DENND5B: variants seen among roughly 807,000 people sequenced by gnomAD.
The protein encoded by DENND5B is DENN domain containing 5B.
DENND5B carries 34 observed loss-of-function variants against 140.6 expected under a neutral mutation model. The ratio of observed to expected loss-of-function variants is 0.24; its 90% CI spans 0.18 to 0.32. DENND5B has a LOEUF of 0.32. Ranked by LOEUF, DENND5B falls within the 10% of genes least tolerant of loss-of-function variation. DENND5B has a pLI of 1.00. For missense variants in DENND5B, 1,142 were observed against 1,560.2 expected (o/e 0.73, Z 4.52); for synonymous variants, 551 against 562.1 (o/e 0.98, Z 0.28).
At chr12:31,567,232 C>G (rs1450530593) in intron 1 of DENND5B, among the ~76,000 whole-genome samples, 56 of 151,236 alleles carry the variant, frequency 3.7e-4, no homozygotes, top group Admixed American at 3.6e-3. Flanking sequence ...GTGGGAGGAT[C>G]ACCTGAGCCC....
At chr12:31,517,119 TAAAA>T (rs1308546454) in intron 1 of DENND5B, among the ~76,000 whole-genome samples, 1 of 151,800 alleles carries the variant, frequency 6.6e-6, no homozygotes, top group Non-Finnish European at 1.5e-5. Flanking sequence ...AAAACAGAAA[TAAAA>T]ACTTTAGATA....
intron 20 of DENND5B, among the ~76,000 whole-genome samples, chr12:31,388,319 G>C (rs1336407225): frequency 6.8e-6 from 1 of 147,818 alleles, no homozygotes; most frequent in Non-Finnish European, 1.5e-5. Context: ...TTATAAACCA[G>C]ATGAGAGTTT....
At chr12:31,524,003 G>GT (rs1390188054) in intron 1 of DENND5B, among the ~76,000 whole-genome samples, 1 of 148,770 alleles carries the variant, frequency 6.7e-6, no homozygotes, top group Non-Finnish European at 1.5e-5. Context: ...TAATAGCTCA[G>GT]TGGGCCTCTT....
chr12:31,577,467 T>C (rs1486533618), intron 1 of DENND5B, among the ~76,000 whole-genome samples: 1 of 152,030 alleles, frequency 6.6e-6, no homozygotes, highest in Non-Finnish European at 1.5e-5. Context: ...TCCCAGCACT[T>C]TGGGAGGCCG....
chr12:31,561,203 G>A (rs537412418), intron 1 of DENND5B, among the ~76,000 whole-genome samples: 4 of 152,280 alleles, frequency 2.6e-5, no homozygotes, highest in South Asian at 2.1e-4. Context: ...ACTCATGTAC[G>A]CATCTCAAGG....
At chr12:31,579,630 T>C (rs1191794958) in intron 1 of DENND5B, among the ~76,000 whole-genome samples, 1 of 151,742 alleles carries the variant, frequency 6.6e-6, no homozygotes, top group Non-Finnish European at 1.5e-5. Flanking sequence ...CACTGCACTC[T>C]AGCCTGGGTT....
intron 7 of DENND5B, among the ~76,000 whole-genome samples, chr12:31,433,640 C>A (rs925459735): frequency 6.6e-6 from 1 of 152,030 alleles, no homozygotes; most frequent in Non-Finnish European, 1.5e-5. Flanking sequence ...TTTTTTAATA[C>A]AAAGAATATT....
intron 14 of DENND5B, among the ~76,000 whole-genome samples, chr12:31,406,095 C>G (rs1201582902): frequency 1.3e-5 from 2 of 151,904 alleles, no homozygotes; most frequent in African/African-American, 2.4e-5. Context: ...GATCCGCCAC[C>G]TCGGCCTCCA....
intron 8 of DENND5B, among the ~76,000 whole-genome samples, chr12:31,431,350 T>C (rs561861310): frequency 1.3e-5 from 2 of 152,324 alleles, no homozygotes; most frequent in African/African-American, 2.4e-5. Flanking sequence ...GGGAAAACTA[T>C]AAGCAAGATT....
rs996011590 is a variant in DENND5B, at chr12:31,413,106, G to A, written c.2681+330C>T. On this transcript the variant is annotated intron_variant, in intron 13 of 20. Coordinates refer to ENST00000389082, the MANE Select transcript of DENND5B (RefSeq NM_144973.4). The stretch of plus-strand genomic sequence containing the variant: ...CTGCTAACTTATTTTTTGTAGAGAC[G>A]GGGTTTCACCATGTTACCCAGGCTG... 3.7e-4 allele frequency among the ~76,000 whole-genome samples: 57 copies of A among 152,034 alleles called. 1 individual carries two copies. The highest frequency in any genetic ancestry group is 7.2e-5 in the African/African-American group (3 of 41,394).
intron 1 of DENND5B, among the ~76,000 whole-genome samples, chr12:31,581,216 GA>G (rs1244169725): frequency 1.3e-5 from 2 of 151,970 alleles, no homozygotes; most frequent in African/African-American, 2.4e-5. Flanking sequence ...ATTTTAAGTA[GA>G]AAAAAATTAT....
At position 31,413,497 on chromosome 12, in the gene DENND5B, G is replaced by T. The variant is rs775625923; in HGVS notation, c.2620C>A (p.Leu874Ile). The T allele has an allele frequency of 6.8e-6, 11 of 1,613,694 alleles. No individual in the cohort carries two copies. The South Asian group carries it at 1.2e-4, about 18-fold the overall frequency. ...GRARAWIRLS[L>I]EKKLLSQHLK... The stretch of plus-strand genomic sequence containing the variant: ...TGCTGGGACAAGAGCTTCTTTTCTA[G>T]AGACAGTCTTATCCACGCCCGAGCT... The change falls in exon 13 of 21, where the codon CTA becomes ATA. Residue 874 changes from leucine to isoleucine, a missense_variant. By Grantham distance (5) the Leu-to-Ile change is conservative (BLOSUM62 2). Coordinates refer to ENST00000389082, the MANE Select transcript of DENND5B (RefSeq NM_144973.4).
At chr12:31,432,143 T>TC (rs1943537174) in intron 8 of DENND5B, 1 of 984,224 alleles carries the variant, frequency 1.0e-6, no homozygotes. Flanking sequence ...GACCAAAAGT[T>TC]CCCCGGAAGG....
rs1433619148 is a variant in DENND5B, at chr12:31,591,018, C to T, written c.-186G>A. ...TCGCTCGGCGCGGGGGAAGCGGCCG[C>T]GGGCTCGCGCGCGGCGGGTCCGGAG... On this transcript the variant is annotated 5_prime_UTR_variant, in exon 1 of 21. Coordinates refer to ENST00000389082, the MANE Select transcript of DENND5B (RefSeq NM_144973.4). 1.3e-5 allele frequency: 7 copies of T among 552,072 alleles called. No homozygotes were observed. The highest frequency in any genetic ancestry group is 1.3e-4 in the Admixed American group (2 of 15,938). The allele number at this position is 552,072 out of a possible 1,614,324, so 34.2% of individuals were successfully genotyped here.
In DENND5B at chr12:31,535,607, C is replaced by G. The variant is rs143584548; in HGVS notation, c.128-39688G>C. 7.9e-3 allele frequency among the ~76,000 whole-genome samples: 1,203 copies of G among 152,242 alleles called. 13 individuals are homozygous for G. Among genetic ancestry groups the G allele is most frequent in the African/African-American group, 0.028 (1,151 of 41,544 alleles). ...ACAGGTTACTGGGCTTGGGATGCCC[C>G]CTAAGGCAGACACGGCTTAGATCTC... On this transcript the variant is annotated intron_variant, in intron 1 of 20. Coordinates refer to ENST00000389082, the MANE Select transcript of DENND5B (RefSeq NM_144973.4).
intron 1 of DENND5B, among the ~76,000 whole-genome samples, chr12:31,543,590 G>A (rs570104415): frequency 3.3e-5 from 5 of 152,170 alleles, no homozygotes; most frequent in Non-Finnish European, 5.9e-5. Context: ...CTCTTATAAC[G>A]TTATGACAAT....
chr12:31,411,985 G>GT (rs1942486747), intron 13 of DENND5B, among the ~76,000 whole-genome samples: 1 of 151,786 alleles, frequency 6.6e-6, no homozygotes, highest in East Asian at 1.9e-4. Flanking sequence ...TTTTGTTTTT[G>GT]TTTTTTGAGA....
chr12:31,473,331 T>A (rs1945644274), intron 3 of DENND5B, among the ~76,000 whole-genome samples: 1 of 152,230 alleles, frequency 6.6e-6, no homozygotes, highest in South Asian at 2.1e-4. Context: ...TGAATGAAAT[T>A]GGAATGTTTA....
intron 1 of DENND5B, among the ~76,000 whole-genome samples, chr12:31,554,537 G>A (rs963339427): frequency 3.9e-5 from 6 of 152,100 alleles, no homozygotes; most frequent in Non-Finnish European, 8.8e-5. Context: ...TGACAATTAT[G>A]TGTCTTGGAG....
Sources: allele counts gnomAD v4.1 joint callset (sites outside exome capture counted in the v4.1 genomes callset), GRCh38; gene constraint gnomAD v4.1.1; transcripts MANE v1.5; gene names NCBI Gene and HGNC (gene_info 2026-07-23, HGNC 2026-07-21).